KAZN: variants seen among roughly 807,000 people sequenced by gnomAD.
KAZN encodes the protein kazrin, periplakin interacting protein.
Under a neutral mutation model 87.4 loss-of-function variants are expected in KAZN, and 40 were observed. The ratio of observed to expected loss-of-function variants is 0.46; its 90% CI spans 0.36 to 0.60. The LOEUF (loss-of-function observed/expected upper bound fraction) is 0.60. Among genes scored for constraint, KAZN ranks in the 20% least tolerant of loss-of-function variants. The pLI, the probability that KAZN is intolerant of heterozygous loss-of-function variation, is 0.00. For synonymous variants in KAZN, 466 were observed against 458.3 expected, an observed-to-expected ratio of 1.02 and a Z score of -0.22; for missense variants, 898 against 1,073.9, an observed-to-expected ratio of 0.84 and a Z score of 2.29.
At chr1:14,610,680 A>T (rs1181670376) in intron 1 of KAZN, among the ~76,000 whole-genome samples, 1 of 151,400 alleles carries the variant, frequency 6.6e-6, no homozygotes, top group African/African-American at 2.4e-5. Context: ...CCCTGTGGAG[A>T]ATTTTTTTTT....
chr1:14,728,489 T>A (rs893800263), intron 1 of KAZN, among the ~76,000 whole-genome samples: 1 of 152,034 alleles, frequency 6.6e-6, no homozygotes, highest in Non-Finnish European at 1.5e-5. Flanking sequence ...GTTAATTGGA[T>A]GAATGAATGA....
At chr1:14,962,249 C>A (rs139548416) in intron 2 of KAZN, among the ~76,000 whole-genome samples, 54 of 152,354 alleles carry the variant, frequency 3.5e-4, no homozygotes, top group African/African-American at 1.2e-3. Flanking sequence ...TCCAGAGTGT[C>A]ACAGCACTCT....
intron 1 of KAZN, chr1:14,924,263 G>T: frequency 2.0e-6 from 2 of 982,186 alleles, no homozygotes; most frequent in Non-Finnish European, 2.4e-6. Flanking sequence ...GGGCGGGCTC[G>T]GCTGCGCCCC....
chr1:14,391,537 C>G (rs1042034863), intron 2 of KAZN: 1 of 152,340 alleles, frequency 6.6e-6, no homozygotes, highest in Admixed American at 6.5e-5. Flanking sequence ...CTCCTTCTCT[C>G]ACGACCACTT....
chr1:13,951,635 AATAATAATAAT>A (rs1474870868), intron 1 of KAZN, among the ~76,000 whole-genome samples: 3 of 4,358 alleles, frequency 6.9e-4, no homozygotes, highest in Non-Finnish European at 1.4e-3. Context: ...TAATAATAAT[AATAATAATAAT>A]AATAATAATA....
chr1:14,414,971 A>G (rs1664628422), intron 2 of KAZN, among the ~76,000 whole-genome samples: 1 of 152,176 alleles, frequency 6.6e-6, no homozygotes, highest in African/African-American at 2.4e-5. Context: ...AGTTGTAGTG[A>G]GCCAAGATCA....
intron 2 of KAZN, among the ~76,000 whole-genome samples, chr1:14,559,275 G>C (rs893847022): frequency 1.3e-5 from 2 of 152,178 alleles, no homozygotes; most frequent in African/African-American, 4.8e-5. Flanking sequence ...GTGTTTGACG[G>C]CAAATGCATG....
rs1192406694 is a variant in KAZN, at chr1:14,599,471, C to G, written c.226+248C>G. ...TCACACCGGCCCCGGCCAGCCTGAG[C>G]GAGGCGCAGCCGGCGGGTCCCTTCC... On this transcript the variant is annotated intron_variant, in intron 1 of 14. Transcript: ENST00000376030. This position sits in a 1 kb window ranked among gnomAD's most constrained non-coding sequence, Gnocchi z 4.4. Among the ~76,000 whole-genome samples the G allele has an allele frequency of 6.6e-6, 1 of 152,308 alleles. No individual in the cohort carries two copies. Among genetic ancestry groups the G allele is most frequent in the African/African-American group, 2.4e-5 (1 of 41,588 alleles).
chr1:14,624,437 C>CAAACA (rs200194897), intron 1 of KAZN, among the ~76,000 whole-genome samples: 24 of 150,218 alleles, frequency 1.6e-4, no homozygotes, highest in African/African-American at 5.9e-4. Context: ...AAAAAAAAAA[C>CAAACA]AACAAAAAAA....
rs145390894 is a variant in KAZN at position 14,518,489 on chromosome 1, T to C, written c.250-80494T>C. Among the ~76,000 whole-genome samples the C allele has an allele frequency of 2.4e-3, 358 of 152,286 alleles. 3 individuals are homozygous for C. The highest frequency in any genetic ancestry group is 3.6e-3 in the Non-Finnish European group (247 of 68,028). On this transcript the variant is annotated intron_variant, in intron 2 of 16. Coordinates refer to the KAZN transcript ENST00000636203. Reference sequence around the variant, plus strand: ...ACTGCACCCAGCCTGTTTGAAATCATTTTTAAAGAAAAAGTAAGAAAGCAT... The same window carrying C: ...ACTGCACCCAGCCTGTTTGAAATCACTTTTAAAGAAAAAGTAAGAAAGCAT...
intron 1 of KAZN, among the ~76,000 whole-genome samples, chr1:14,827,050 C>A (rs1405725452): frequency 6.6e-6 from 1 of 152,150 alleles, no homozygotes. Context: ...CGGGAGGCTG[C>A]GCACATCAGG....
intron 2 of KAZN, among the ~76,000 whole-genome samples, chr1:14,279,674 G>T (rs1652688279): frequency 6.6e-6 from 1 of 152,150 alleles, no homozygotes; most frequent in African/African-American, 2.4e-5. Context: ...CTTGTTTGAG[G>T]AGTAAATGAG....
Position 14,699,931 on chromosome 1 carries a change from CCAGA to C in KAZN, c.226+100711_226+100714del, listed in dbSNP as rs939930281. 1.6e-4 allele frequency among the ~76,000 whole-genome samples: 24 copies of C among 152,156 alleles called. 1 individual carries two copies. The Middle Eastern group carries it at 0.014, about 86-fold the overall frequency. ...TTGGCCCGACACTCACTAGAGTGGGCCAGACAAAGCTCTAGAGAGTGCGCAGTCC... is the reference window on the plus strand; with the variant it reads ...TTGGCCCGACACTCACTAGAGTGGGCCAAAGCTCTAGAGAGTGCGCAGTCC... On this transcript the variant is annotated intron_variant, in intron 1 of 14. Transcript: ENST00000376030.
At chr1:14,974,388 A>C (rs768406281) in intron 2 of KAZN, among the ~76,000 whole-genome samples, 1 of 152,228 alleles carries the variant, frequency 6.6e-6, no homozygotes, top group Non-Finnish European at 1.5e-5. Flanking sequence ...AAGTAAATGT[A>C]TGCTGTTTTA....
rs192978813 is a variant in KAZN at position 14,879,609 on chromosome 1, C to T, written c.227-81075C>T. ...ATCAGAAATGGCCTACGAATAGACT[C>T]GTTGGCTCAGATTGACTTAAAGCTT... On this transcript the variant is annotated intron_variant, in intron 1 of 14. Transcript: ENST00000376030. 6.6e-5 allele frequency among the ~76,000 whole-genome samples: 10 copies of T among 152,260 alleles called. No homozygotes were observed. In the South Asian group the frequency reaches 1.2e-3, roughly 19 times the overall value.
chr1:14,382,216 T>G (rs2101052184), intron 2 of KAZN, among the ~76,000 whole-genome samples: 2 of 152,338 alleles, frequency 1.3e-5, no homozygotes, highest in South Asian at 4.1e-4. Context: ...CAATCAATAT[T>G]GCTTAAATGT....
chr1:14,481,427 A>G (rs1190518550), intron 2 of KAZN, among the ~76,000 whole-genome samples: 1 of 151,838 alleles, frequency 6.6e-6, no homozygotes, highest in Non-Finnish European at 1.5e-5. Flanking sequence ...TTTTCTAGAA[A>G]AAAAACTATC....
chr1:14,588,045 T>C (rs1025925489), intron 2 of KAZN, among the ~76,000 whole-genome samples: 2 of 152,300 alleles, frequency 1.3e-5, no homozygotes, highest in South Asian at 2.1e-4. Flanking sequence ...CTGCCACTCT[T>C]GAGCTGTAAG....
chr1:14,801,234 C>T (rs1219064136), intron 1 of KAZN, among the ~76,000 whole-genome samples: 2 of 152,068 alleles, frequency 1.3e-5, no homozygotes, highest in Non-Finnish European at 2.9e-5. Context: ...GTGGCTTTCT[C>T]TCTCCGTCAC....
Sources: gnomAD v4.1 joint callset for allele counts (sites outside exome capture counted in the v4.1 genomes callset) on GRCh38, gnomAD v4.1.1 for gene constraint, Gnocchi (gnomAD v3.1) non-coding constraint, MANE v1.5 for transcripts, NCBI Gene and HGNC (gene_info 2026-07-23, HGNC 2026-07-21) for gene names.